MAST4: variants seen among roughly 807,000 people sequenced by gnomAD.
The protein encoded by MAST4 is microtubule associated serine/threonine kinase family member 4, also known as microtubule-associated serine/threonine-protein kinase 4.
In MAST4, 89 loss-of-function variants were observed where a neutral mutation model predicts 162.7. The ratio of observed to expected loss-of-function variants is 0.55; its 90% confidence interval spans 0.46 to 0.65. The LOEUF (loss-of-function observed/expected upper bound fraction) is 0.65. Among genes scored for constraint, MAST4 ranks in the 30% least tolerant of loss-of-function variants. The pLI, the probability that MAST4 is intolerant of heterozygous loss-of-function variation, is 0.00. For synonymous variants in MAST4, 1,479 were observed against 1,361.1 expected (o/e 1.09, Z -1.91); for missense variants, 3,153 against 3,374.0 (o/e 0.93, Z 1.62).
At chr5:67,041,013 T>C (rs1310436351) in intron 4 of MAST4, among the ~76,000 whole-genome samples, 2 of 152,246 alleles carry the variant, frequency 1.3e-5, no homozygotes, top group Non-Finnish European at 2.9e-5. Flanking sequence ...AGGATTGTCA[T>C]GAAAATTAAA....
Position 67,166,801 on chromosome 5 carries a change from T to C in MAST4, c.7622T>C (p.Met2541Thr), listed in dbSNP as rs776340494. Residue 2541 changes from methionine (M) to threonine (T), a missense_variant, in exon 29 of 29, where the codon ATG becomes ACG. By Grantham distance (81) the Met-to-Thr change is moderately conservative. Around this residue, in one of 7 missense-constraint regions of MAST4, gnomAD observed 1,644 missense variants for 1,495.0 expected, o/e 1.10. Transcript: ENST00000403625. Reference protein sequence around the residue: ...LESHHPDPNTMGGASHRDRAL... With the variant: ...LESHHPDPNTTGGASHRDRAL... The stretch of plus-strand genomic sequence containing the variant: ...TCACACCACCCCGACCCAAACACCA[T>C]GGGCGGGGCCAGCCACCGGGACAGG... The C allele has an allele frequency of 1.2e-6, 2 of 1,600,408 alleles. No homozygotes were observed. The highest frequency in any genetic ancestry group is 1.1e-5 in the South Asian group (1 of 88,952).
intron 4 of MAST4, among the ~76,000 whole-genome samples, chr5:67,014,095 A>ATT (rs11389039): frequency 1.4e-5 from 2 of 147,646 alleles, no homozygotes; most frequent in Non-Finnish European, 1.5e-5. Flanking sequence ...GCTATGTCAG[A>ATT]TTTTTTTTTT....
chr5:66,725,591 A>C (rs1275544770), intron 1 of MAST4, among the ~76,000 whole-genome samples: 5 of 152,178 alleles, frequency 3.3e-5, no homozygotes, highest in Non-Finnish European at 2.9e-5. Context: ...TCTGACTTCT[A>C]AAACTTCTTA....
intron 4 of MAST4, among the ~76,000 whole-genome samples, chr5:67,020,038 A>T (rs1456531031): frequency 1.3e-5 from 2 of 152,232 alleles, no homozygotes; most frequent in East Asian, 1.9e-4. Context: ...AACCTAGTTA[A>T]GATTCAACTA....
At chr5:66,871,049 T>C (rs888308057) in intron 3 of MAST4, among the ~76,000 whole-genome samples, 1 of 152,172 alleles carries the variant, frequency 6.6e-6, no homozygotes, top group South Asian at 2.1e-4. Context: ...TAACAACCAG[T>C]CCTGAAAAAT....
intron 2 of MAST4, among the ~76,000 whole-genome samples, chr5:66,768,508 A>G (rs904011406): frequency 1.3e-5 from 2 of 152,236 alleles, no homozygotes; most frequent in Non-Finnish European, 2.9e-5. Flanking sequence ...TGTCCAGAAA[A>G]TTATGTTAAG....
chr5:66,940,214 T>C (rs1385831682), intron 4 of MAST4, among the ~76,000 whole-genome samples: 1 of 152,134 alleles, frequency 6.6e-6, no homozygotes, highest in Non-Finnish European at 1.5e-5. Context: ...TGCTGGAGGG[T>C]CTTGCCTTGA....
intron 5 of MAST4, among the ~76,000 whole-genome samples, chr5:67,078,845 T>C (rs1394903732): frequency 8.6e-6 from 1 of 116,382 alleles, no homozygotes. Context: ...TATTTAAATA[T>C]ATTTATATAT....
Position 67,147,069 on chromosome 5 carries a change from G to A in MAST4, c.3094+1690G>A, listed in dbSNP as rs1020583463. On this transcript the variant is annotated intron_variant, in intron 23 of 28. Transcript: ENST00000403625. ...GGTAGGAGGGGAAGGGAGGGGAATC[G>A]TGTCTAAGCATTTGATTGATTACTT... Among the ~76,000 whole-genome samples, 52 of 152,026 alleles carry A rather than the reference G, an allele frequency of 3.4e-4. 1 individual carries two copies. Among genetic ancestry groups the A allele is most frequent in the Middle Eastern group, 3.4e-3 (1 of 294 alleles).
At chr5:67,012,917 T>G (rs148586607) in intron 4 of MAST4, among the ~76,000 whole-genome samples, 191 of 152,294 alleles carry the variant, frequency 1.3e-3, no homozygotes, top group Middle Eastern at 3.4e-3. Context: ...CATGGTTTTA[T>G]TTTAAAGAAA....
At chr5:66,819,747 C>T (rs7704890) in intron 3 of MAST4, among the ~76,000 whole-genome samples, 49,238 of 149,140 alleles carry the variant, frequency 0.33, 8,317 homozygotes, top group Non-Finnish European at 0.36. Context: ...TGCATTTAAC[C>T]TAGAACTTAG....
intron 15 of MAST4, among the ~76,000 whole-genome samples, 181 bp from the exon 16 acceptor site, chr5:67,131,632 A>G (rs994237205): frequency 1.3e-5 from 2 of 152,116 alleles, no homozygotes; most frequent in Non-Finnish European, 2.9e-5. Flanking sequence ...AAAAATCTGT[A>G]TTTTCTCCAT....
intron 1 of MAST4, 41 bp downstream of exon 1, chr5:66,597,059 C>T: frequency 2.2e-6 from 3 of 1,377,002 alleles, no homozygotes; most frequent in Non-Finnish European, 2.8e-6. Flanking sequence ...GTTCCGGCAG[C>T]CGGGCGACCG....
intron 1 of MAST4, among the ~76,000 whole-genome samples, chr5:66,678,501 T>C (rs1357039377): frequency 8.5e-6 from 1 of 117,634 alleles, no homozygotes; most frequent in African/African-American, 3.1e-5. Context: ...TCAACTACAT[T>C]TTTTTTTTTT....
intron 3 of MAST4, among the ~76,000 whole-genome samples, chr5:66,836,031 T>C (rs1409224481): frequency 6.6e-6 from 1 of 151,986 alleles, no homozygotes; most frequent in Non-Finnish European, 1.5e-5. Context: ...ATTAGCCAGA[T>C]GTGGTGGTGT....
intron 4 of MAST4, chr5:66,963,614 CTG>C: frequency 1.4e-6 from 1 of 720,518 alleles, no homozygotes; most frequent in Non-Finnish European, 2.6e-6. Flanking sequence ...CATAGTGATT[CTG>C]GCCTAAAGGG....
intron 24 of MAST4, among the ~76,000 whole-genome samples, chr5:67,151,058 C>T (rs914978696): frequency 5.3e-5 from 8 of 152,254 alleles, no homozygotes; most frequent in Non-Finnish European, 7.4e-5. Context: ...ATGTTTAAAC[C>T]GCAGCATGTT....
At chr5:67,006,777 C>T (rs10044452) in intron 4 of MAST4, among the ~76,000 whole-genome samples, 31,321 of 152,066 alleles carry the variant, frequency 0.21, 3,620 homozygotes, top group Non-Finnish European at 0.25. Flanking sequence ...CTGAACACTC[C>T]AATTCAGACA....
chr5:66,680,759 G>A (rs996183458), intron 1 of MAST4, among the ~76,000 whole-genome samples: 4 of 152,138 alleles, frequency 2.6e-5, no homozygotes, highest in African/African-American at 7.2e-5. Context: ...AGGCAAACCC[G>A]AGGGAGAAAG....
Sources: allele counts gnomAD v4.1 joint callset (sites outside exome capture counted in the v4.1 genomes callset), GRCh38; gene constraint gnomAD v4.1.1; regional missense constraint gnomAD v4.1.1; transcripts MANE v1.5; gene names NCBI Gene and HGNC (gene_info 2026-07-23, HGNC 2026-07-21).